The following WNK2 variants were observed in gnomAD, a reference collection of about 807,000 sequenced individuals.
WNK2 encodes the protein serine/threonine-protein kinase WNK2.
A neutral mutation model predicts 192.1 loss-of-function variants in WNK2; 67 were observed. That is an observed-to-expected ratio of 0.35 (90% CI 0.29 to 0.43). WNK2 has a LOEUF of 0.43. WNK2 is among the 20% of genes least tolerant of loss of function. The pLI, the probability that WNK2 is intolerant of heterozygous loss-of-function variation, is 1.00. For missense variants in WNK2, 2,698 were observed against 3,089.7 expected (o/e 0.87, Z 3.01); for synonymous variants, 1,439 against 1,393.9 (o/e 1.03, Z -0.72).
chr9:93,259,867 A>G lies in WNK2; in HGVS notation c.3066+253A>G, dbSNP rs914401049. ...ATAGGTTCTGTGTCCCTACCTTCCC[A>G]TGGCTCTGTGGCCCCTGCTCTTGTG... On this transcript the variant is annotated intron_variant, in intron 12 of 29. Coordinates refer to ENST00000427277, the MANE Select transcript of WNK2 (RefSeq NM_006648.4). This position sits in a 1 kb window ranked among gnomAD's most constrained non-coding sequence, Gnocchi z 4.8. Among the ~76,000 whole-genome samples the G allele has an allele frequency of 1.3e-5, 2 of 152,128 alleles. No individual in the cohort carries two copies. Among genetic ancestry groups the G allele is most frequent in the Non-Finnish European group, 2.9e-5 (2 of 68,004 alleles).
At position 93,259,093 on chromosome 9, in the gene WNK2, C is replaced by T. The variant is rs146411184; in HGVS notation, c.2545C>T (p.Pro849Ser). 1.9e-4 allele frequency: 310 copies of T among 1,612,998 alleles called. No individual in the cohort carries two copies. The highest frequency in any genetic ancestry group is 2.2e-4 in the Non-Finnish European group (261 of 1,179,700). ...GCCGAGCCTCGCTGCCCCACTCCCC[C>T]CTGCGTCCCCAGCCTTGCCTCTGCA... ...ILPSLAAPLP[P>S]ASPALPLQAV... The change falls in exon 12 of 30, where the codon CCT becomes TCT. Residue 849 changes from proline to serine, a missense_variant. Transcript: ENST00000427277. The surrounding 1 kb of genome is among the most constrained non-coding windows in gnomAD (Gnocchi z 4.8).
intron 2 of WNK2, among the ~76,000 whole-genome samples, chr9:93,191,097 C>A (rs908873703): frequency 2.2e-4 from 34 of 152,008 alleles, no homozygotes; most frequent in Admixed American, 9.2e-4. Flanking sequence ...ACGACTGTGT[C>A]AGGCTCTGGG....
In WNK2 at chr9:93,308,259, C is replaced by A. The variant is rs530369496; in HGVS notation, c.6260-69C>A. The A allele has an allele frequency of 9.3e-6, 14 of 1,500,082 alleles. No homozygotes were observed. The South Asian group carries it at 1.9e-4, about 20-fold the overall frequency. The allele number at this position is 1,500,082 out of a possible 1,614,324, so 92.9% of individuals were successfully genotyped here. On this transcript the variant is annotated intron_variant, in intron 27 of 29. Coordinates refer to ENST00000427277, the MANE Select transcript of WNK2 (RefSeq NM_006648.4). ...CTCAGCTGTCACGTAAGAATGAATG[C>A]GGCCAGCCCACTGGGGGCCTGGGTG...
chr9:93,305,110 A>G (rs1488754546), intron 26 of WNK2, among the ~76,000 whole-genome samples: 1 of 152,204 alleles, frequency 6.6e-6, no homozygotes, highest in Non-Finnish European at 1.5e-5. Context: ...TCTTCCCAGC[A>G]TGGCAACAGC....
chr9:93,241,276 G>A (rs376821931), intron 7 of WNK2, among the ~76,000 whole-genome samples: 35 of 152,222 alleles, frequency 2.3e-4, no homozygotes, highest in African/African-American at 6.5e-4. Flanking sequence ...AAGTCACAAC[G>A]GGGAAGACCA....
rs1481174596 is a variant in WNK2, at chr9:93,259,114, C to T, written c.2566C>T (p.Leu856=). 6.2e-7 allele frequency: 1 copy of T among 1,612,284 alleles called. No individual in the cohort carries two copies. The highest frequency in any genetic ancestry group is 8.5e-7 in the Non-Finnish European group (1 of 1,179,410). The part of the protein sequence containing the change: ...PLPPASPALP[L]QAVKLPHPPG... ...CCCCCCTGCGTCCCCAGCCTTGCCT[C>T]TGCAGGCTGTGAAGCTGCCCCACCC... The change falls in exon 12 of 30, where the codon CTG becomes TTG. Residue 856 remains leucine (L), a synonymous_variant. Transcript: ENST00000427277. The surrounding 1 kb of genome is among the most constrained non-coding windows in gnomAD (Gnocchi z 4.8).
chr9:93,250,145 C>T (rs1842360601), intron 8 of WNK2, among the ~76,000 whole-genome samples: 1 of 152,124 alleles, frequency 6.6e-6, no homozygotes, highest in South Asian at 2.1e-4. Context: ...CTACCACACA[C>T]ATAGAACACC....
At chr9:93,207,776 T>C (rs1425693206) in intron 2 of WNK2, among the ~76,000 whole-genome samples, 1 of 152,204 alleles carries the variant, frequency 6.6e-6, no homozygotes, top group Admixed American at 6.5e-5. Flanking sequence ...CCACGCCCTC[T>C]CCAGGCGCTG....
At position 93,317,628 on chromosome 9, in the gene WNK2, C is replaced by G. The variant is rs758837965; in HGVS notation, c.6625C>G (p.Pro2209Ala). 27 of 1,612,644 alleles carry G rather than the reference C, an allele frequency of 1.7e-5. No individual in the cohort carries two copies. Among genetic ancestry groups the G allele is most frequent in the African/African-American group, 4.0e-5 (3 of 74,930 alleles). ...CGCCCCGACCCTGTCCGTGCCCACA[C>G]CAGGTACTGCCCTCTCCAACCTCCC... The part of the protein sequence containing the change: ...GAAPTLSVPT[P>A]DPESEKPD The change falls in exon 29 of 30, where the codon CCA becomes GCA. Residue 2209 changes from proline (P) to alanine (A), a missense_variant. Transcript: ENST00000427277.
rs1330098204 is a variant in WNK2, at chr9:93,288,896, C to T, written c.4142C>T (p.Pro1381Leu). 1.2e-6 allele frequency: 2 copies of T among 1,609,332 alleles called. No individual in the cohort carries two copies. The highest frequency in any genetic ancestry group is 2.2e-5 in the East Asian group (1 of 44,744). ...CCCAGCAACCCTCCTGGGGCACCCC[C>T]AGCCCCTTTGGCCCCCTCCTCCCCT... ...AGPSNPPGAP[P>L]APLAPSSPPV... The change falls in exon 20 of 30, where the codon CCA becomes CTA. Residue 1381 changes from proline to leucine, a missense_variant. Transcript: ENST00000427277.
At chr9:93,220,527 C>G (rs1346157862) in intron 2 of WNK2, among the ~76,000 whole-genome samples, 3 of 152,134 alleles carry the variant, frequency 2.0e-5, no homozygotes, top group Non-Finnish European at 4.4e-5. Context: ...ACCCTGCAGC[C>G]CAGCCAGGAG....
Position 93,320,363 on chromosome 9 carries a change from C to G in WNK2, c.6629-4C>G. ...ACAGTCAGCTGCGCGGTTTTGTTTTCCAGATCCTGAGAGTGAGAAGCCTGA... is the reference window on the plus strand; with the variant it reads ...ACAGTCAGCTGCGCGGTTTTGTTTTGCAGATCCTGAGAGTGAGAAGCCTGA... On this transcript the variant is annotated splice_polypyrimidine_tract_variant and splice_region_variant and intron_variant, in intron 29 of 29. Transcript: ENST00000427277. 7.3e-7 allele frequency: 1 copy of G among 1,367,582 alleles called. No individual in the cohort carries two copies. The highest frequency in any genetic ancestry group is 1.5e-5 in the African/African-American group (1 of 67,880). 84.7% of individuals were successfully genotyped at this position (1,367,582 alleles called of 1,614,324 possible). A position where few individuals can be genotyped will look rare whatever the true frequency, so the allele number is the denominator to read the frequency against.
chr9:93,269,559 G>T (rs1190837869), intron 19 of WNK2, among the ~76,000 whole-genome samples: 2 of 152,212 alleles, frequency 1.3e-5, no homozygotes, highest in South Asian at 4.1e-4. Flanking sequence ...CTTGGCCTCA[G>T]CCTGGGCTGA....
At chr9:93,307,808 T>G in intron 27 of WNK2, 1 of 153,358 alleles carries the variant, frequency 6.5e-6, no homozygotes. Context: ...CTGGCAGGCA[T>G]TTTCCCGTGG....
In WNK2 at chr9:93,297,978, G is replaced by T; in HGVS notation, c.5834G>T (p.Arg1945Leu). 6 of 1,567,388 alleles carry T rather than the reference G, an allele frequency of 3.8e-6. No homozygotes were observed. Among genetic ancestry groups the T allele is most frequent in the Non-Finnish European group, 5.2e-6 (6 of 1,157,316 alleles). ...GFFHTAPPTG[R>L]RRKTSKSKLK... ...TTCCACACGGCACCCCCCACTGGCC[G>T]CCGGAGAAAAACCAGCAAGAGCAAG... is the stretch of plus-strand genomic sequence containing the variant. Residue 1945 changes from arginine to leucine, a missense_variant, in exon 24 of 30, where the codon CGC becomes CTC. Coordinates refer to ENST00000427277, the MANE Select transcript of WNK2 (RefSeq NM_006648.4).
chr9:93,293,454 G>A (rs1048204405), intron 23 of WNK2, among the ~76,000 whole-genome samples: 15 of 152,158 alleles, frequency 9.9e-5, no homozygotes, highest in African/African-American at 3.6e-4. Context: ...CGAGTAGCTG[G>A]GACTACAGGT....
At chr9:93,251,913 C>T (rs1179834553) in intron 8 of WNK2, among the ~76,000 whole-genome samples, 4 of 152,066 alleles carry the variant, frequency 2.6e-5, no homozygotes, top group Admixed American at 2.6e-4. Flanking sequence ...TTATGTCTTC[C>T]TAGGTTACAG....
chr9:93,242,835 G>A (rs1841010645), intron 7 of WNK2, among the ~76,000 whole-genome samples: 1 of 152,216 alleles, frequency 6.6e-6, no homozygotes, highest in Non-Finnish European at 1.5e-5. Flanking sequence ...CTGGTGCTGA[G>A]GTCTGGGCCA....
rs893889118 is a variant in WNK2 at position 93,268,092 on chromosome 9, T to G, written c.3913+27T>G. 19 of 1,597,378 alleles carry G rather than the reference T, an allele frequency of 1.2e-5. No individual in the cohort carries two copies. In the Admixed American group the frequency reaches 1.7e-4, roughly 14 times the overall value. Reference sequence around the variant, plus strand: ...TGAGTCTGCAACTTCCCTCCCTGCTTTTAAGCAGGCGTTTGATGAAAGTCC... The same window carrying G: ...TGAGTCTGCAACTTCCCTCCCTGCTGTTAAGCAGGCGTTTGATGAAAGTCC... On this transcript the variant is annotated intron_variant, in intron 18 of 29. Coordinates refer to ENST00000427277, the MANE Select transcript of WNK2 (RefSeq NM_006648.4).
Sources: allele counts gnomAD v4.1 joint callset (sites outside exome capture counted in the v4.1 genomes callset), GRCh38; gene constraint gnomAD v4.1.1; non-coding constraint Gnocchi (gnomAD v3.1); transcripts MANE v1.5; gene names NCBI Gene and HGNC (gene_info 2026-07-23, HGNC 2026-07-21).